DYDC2: variants seen among roughly 807,000 people sequenced by gnomAD.
DYDC2 encodes the protein DPY30 domain containing 2.
A neutral mutation model predicts 18.7 loss-of-function variants in DYDC2; 19 were observed. That is an observed-to-expected ratio of 1.02 (90% CI 0.71 to 1.49). DYDC2 has a LOEUF of 1.49. Ranked by LOEUF, DYDC2 falls within the 40% of genes most tolerant of loss-of-function variation. The pLI is 0.00. For synonymous variants in DYDC2, 63 were observed against 67.6 expected (o/e 0.93, Z 0.34); for missense variants, 179 against 205.1 (o/e 0.87, Z 0.78).
chr10:80,366,170 T>A (rs1344471271), intron 4 of DYDC2, among the ~76,000 whole-genome samples: 1 of 151,642 alleles, frequency 6.6e-6, no homozygotes, highest in African/African-American at 2.4e-5. Context: ...GTAGCTGGGA[T>A]TACAGGCGCC....
chr10:80,356,624 A>G, upstream of DYDC2: 1 of 985,390 alleles, frequency 1.0e-6, no homozygotes, highest in African/African-American at 1.7e-5. Flanking sequence ...CCCAAGGCCC[A>G]ACGGTCAGAA....
Position 80,360,981 on chromosome 10 carries a change from C to G in DYDC2, c.-9-1454C>G, listed in dbSNP as rs1358772208. On this transcript the variant is annotated intron_variant, in intron 2 of 4. Coordinates refer to ENST00000256039, the MANE Select transcript of DYDC2 (RefSeq NM_032372.6). ...GGAGACAGGGTTTTGCCTTGTTGCC[C>G]AGGCTGGTATCAAACCCCTGAGCTC... is the stretch of plus-strand genomic sequence containing the variant. Among the ~76,000 whole-genome samples the G allele has an allele frequency of 3.9e-5, 6 of 151,964 alleles. No homozygotes were observed. In the East Asian group the frequency reaches 1.2e-3, roughly 29 times the overall value.
At chr10:80,359,028 G>A (rs1405195330) in intron 2 of DYDC2, among the ~76,000 whole-genome samples, 3 of 152,210 alleles carry the variant, frequency 2.0e-5, no homozygotes, top group African/African-American at 4.8e-5. Flanking sequence ...AAAGAACAAA[G>A]CTTCCAGTGT....
chr10:80,348,177 G>A (rs1842781294), intron 1 of DYDC2, among the ~76,000 whole-genome samples: 3 of 152,048 alleles, frequency 2.0e-5, no homozygotes, highest in Admixed American at 2.0e-4. Flanking sequence ...CACCTCCTTG[G>A]TTACATTTAT....
rs138471421 is a variant in DYDC2 at position 80,362,100 on chromosome 10, T to C, written c.-9-335T>C. On this transcript the variant is annotated intron_variant, in intron 2 of 4. Coordinates refer to ENST00000256039, the MANE Select transcript of DYDC2 (RefSeq NM_032372.6). ...TTGTTTTTCCTTCCTTAAGCTAAAA[T>C]ATGAGAAGTAGGGGGACAAATTGAA... Among the ~76,000 whole-genome samples the C allele has an allele frequency of 1.1e-3, 161 of 152,316 alleles. 2 individuals carry two copies. Among genetic ancestry groups the C allele is most frequent in the African/African-American group, 3.6e-3 (150 of 41,568 alleles).
At chr10:80,356,302 G>A (rs1843363856), upstream of DYDC2, 1 of 985,494 alleles carries the variant, frequency 1.0e-6, no homozygotes, top group Non-Finnish European at 1.2e-6. Flanking sequence ...CACAGAAACA[G>A]CTGCCTCCAG....
At chr10:80,352,333 A>C, upstream of DYDC2, 5 of 1,310,102 alleles carry the variant, frequency 3.8e-6, no homozygotes, top group Non-Finnish European at 5.0e-6. Flanking sequence ...ATGTTGTTCA[A>C]GTTTTTGTAT....
Position 80,363,052 on chromosome 10 carries a change from G to T in DYDC2, c.249G>T (p.Gln83His). The T allele has an allele frequency of 6.2e-7, 1 of 1,613,464 alleles. No individual in the cohort carries two copies. Among genetic ancestry groups the T allele is most frequent in the South Asian group, 1.1e-5 (1 of 90,844 alleles). The change falls in exon 4 of 5, where the codon CAG becomes CAT. Residue 83 changes from glutamine to histidine, a missense_variant. Coordinates refer to ENST00000256039, the MANE Select transcript of DYDC2 (RefSeq NM_032372.6). ...AACAGGAAGAGTATCAGATTCAACA[G>T]AACTGTGAAAAGTGTCACAAGGTAG... ...MLKQEEYQIQ[Q>H]NCEKCHKELT... is the part of the protein sequence containing the mutation.
intron 1 of DYDC2, among the ~76,000 whole-genome samples, chr10:80,347,794 T>C (rs1842758069): frequency 6.6e-6 from 1 of 152,230 alleles, no homozygotes; most frequent in Non-Finnish European, 1.5e-5. Flanking sequence ...GGTTCTCTAT[T>C]CTGTTCCACT....
At chr10:80,362,296 G>A in intron 2 of DYDC2, 139 bp from the exon 3 acceptor site, 1 of 1,243,156 alleles carries the variant, frequency 8.0e-7, no homozygotes, top group Non-Finnish European at 1.1e-6. Flanking sequence ...GTAAGTGTTT[G>A]TTGGTTCTTT....
chr10:80,354,129 A>AAAT (rs1554846404), upstream of DYDC2, among the ~76,000 whole-genome samples: 73 of 147,674 alleles, frequency 4.9e-4, 2 homozygotes, highest in South Asian at 3.6e-3. Flanking sequence ...TATAAAAAAA[A>AAAT]ATATATATAT....
intron 2 of DYDC2, among the ~76,000 whole-genome samples, chr10:80,361,833 C>G (rs965129518): frequency 6.6e-6 from 1 of 152,170 alleles, no homozygotes; most frequent in African/African-American, 2.4e-5. Flanking sequence ...TCTGGCACAA[C>G]AAAATGTTCC....
intron 2 of DYDC2, among the ~76,000 whole-genome samples, chr10:80,359,413 C>T (rs1843590337): frequency 6.6e-6 from 1 of 152,244 alleles, no homozygotes; most frequent in African/African-American, 2.4e-5. Context: ...CTCCACTAGA[C>T]TCAGGAGCCC....
intron 1 of DYDC2, among the ~76,000 whole-genome samples, chr10:80,349,617 G>A (rs892662089): frequency 6.6e-6 from 1 of 152,264 alleles, no homozygotes; most frequent in East Asian, 1.9e-4. Context: ...TAGCTGAAAC[G>A]CAGAAACAGT....
At position 80,362,311 on chromosome 10, in the gene DYDC2, A is replaced by G; in HGVS notation, c.-9-124A>G. ...GTAAGTGTTTGTTGGTTCTTTTGGG[A>G]AAGGTGTGATCCAGAAGCATCTCAT... is the stretch of plus-strand genomic sequence containing the variant. On this transcript the variant is annotated intron_variant, in intron 2 of 4. Coordinates refer to ENST00000256039, the MANE Select transcript of DYDC2 (RefSeq NM_032372.6). The G allele has an allele frequency of 3.7e-6, 5 of 1,339,278 alleles. No homozygotes were observed. In the South Asian group the frequency reaches 4.8e-5, roughly 13 times the overall value. The allele number at this position is 1,339,278 out of a possible 1,614,324, so 83.0% of individuals were successfully genotyped here.
chr10:80,359,160 A>G (rs1843580638), intron 2 of DYDC2, among the ~76,000 whole-genome samples: 1 of 152,156 alleles, frequency 6.6e-6, no homozygotes, highest in Non-Finnish European at 1.5e-5. Flanking sequence ...GCTCTGTTTT[A>G]CAGAGAGCTG....
chr10:80,357,614 G>A (rs1843467310), intron 1 of DYDC2, among the ~76,000 whole-genome samples: 1 of 152,092 alleles, frequency 6.6e-6, no homozygotes, highest in South Asian at 2.1e-4. Context: ...CCTCTGCTTG[G>A]TTCCTTTCAG....
At chr10:80,358,409 TCCTTCC>T (rs1280203897) in intron 2 of DYDC2, among the ~76,000 whole-genome samples, 1 of 152,148 alleles carries the variant, frequency 6.6e-6, no homozygotes, top group Non-Finnish European at 1.5e-5. Context: ...TCCCCTTGAC[TCCTTCC>T]CCTCCAGCCC....
chr10:80,346,719 C>CG (rs1842663300), intron 1 of DYDC2, among the ~76,000 whole-genome samples: 1 of 151,788 alleles, frequency 6.6e-6, no homozygotes, highest in Non-Finnish European at 1.5e-5. Flanking sequence ...CTCAGCCTCC[C>CG]GAAGTGCTGG....
Sources: allele counts gnomAD v4.1 joint callset (sites outside exome capture counted in the v4.1 genomes callset), GRCh38; gene constraint gnomAD v4.1.1; transcripts MANE v1.5; gene names NCBI Gene and HGNC (gene_info 2026-07-23, HGNC 2026-07-21).